FBXL17: variants seen among roughly 807,000 people sequenced by gnomAD.
The protein encoded by FBXL17 is F-box/LRR-repeat protein 17.
In FBXL17, 22 loss-of-function variants were observed where a neutral mutation model predicts 66.2. The ratio of observed to expected loss-of-function variants is 0.33; its 90% CI spans 0.24 to 0.47. The LOEUF (loss-of-function observed/expected upper bound fraction) is 0.47. FBXL17 is among the 20% of genes least tolerant of loss of function. FBXL17 has a pLI of 1.00. For synonymous variants in FBXL17, 474 were observed against 400.5 expected, an observed-to-expected ratio of 1.18 and a Z score of -2.19; for missense variants, 878 against 948.2, an observed-to-expected ratio of 0.93 and a Z score of 0.97.
chr5:108,207,410 A>G (rs933323648), intron 5 of FBXL17, among the ~76,000 whole-genome samples: 19 of 152,058 alleles, frequency 1.2e-4, no homozygotes, highest in African/African-American at 4.3e-4. Context: ...TACACATACC[A>G]TGGTGGTTTC....
chr5:108,275,564 C>T (rs1211779077), intron 4 of FBXL17, among the ~76,000 whole-genome samples: 2 of 152,108 alleles, frequency 1.3e-5, no homozygotes, highest in Admixed American at 6.5e-5. Context: ...TGATGGTGAA[C>T]AGGAACTAAT....
chr5:108,175,376 G>A (rs1395272199), intron 6 of FBXL17, among the ~76,000 whole-genome samples: 2 of 152,132 alleles, frequency 1.3e-5, no homozygotes, highest in African/African-American at 4.8e-5. Flanking sequence ...CAGCTAGACA[G>A]TAACATGATA....
intron 6 of FBXL17, among the ~76,000 whole-genome samples, chr5:108,094,121 G>C (rs1289987215): frequency 6.6e-6 from 1 of 152,072 alleles, no homozygotes; most frequent in Non-Finnish European, 1.5e-5. Flanking sequence ...ACTTTAAATG[G>C]TTACTTTACT....
chr5:108,099,189 C>T (rs960585665), intron 6 of FBXL17, among the ~76,000 whole-genome samples: 1 of 151,724 alleles, frequency 6.6e-6, no homozygotes, highest in African/African-American at 2.4e-5. Flanking sequence ...TTTTTAAAAA[C>T]CTGAACTTTA....
chr5:108,103,532 T>C (rs185766726), intron 6 of FBXL17, among the ~76,000 whole-genome samples: 2 of 152,208 alleles, frequency 1.3e-5, no homozygotes, highest in Non-Finnish European at 2.9e-5. Context: ...TAGGAAAAAA[T>C]GAAACAGTCT....
At chr5:108,374,388 G>C (rs1402430271) in intron 1 of FBXL17, among the ~76,000 whole-genome samples, 2 of 152,290 alleles carry the variant, frequency 1.3e-5, no homozygotes, top group Non-Finnish European at 2.9e-5. Flanking sequence ...ATCAGTAACA[G>C]AGGCCAGGAA....
intron 6 of FBXL17, among the ~76,000 whole-genome samples, chr5:108,064,216 T>C (rs996097441): frequency 2.0e-5 from 3 of 151,122 alleles, no homozygotes; most frequent in African/African-American, 2.4e-5. Context: ...CTTACTGTAC[T>C]TTTTATTCTA....
chr5:107,906,776 T>G (rs1192676839), intron 7 of FBXL17, among the ~76,000 whole-genome samples: 1 of 152,212 alleles, frequency 6.6e-6, no homozygotes, highest in Non-Finnish European at 1.5e-5. Context: ...CAAAGAGATT[T>G]AAAAGCAACT....
chr5:107,881,454 A>G (rs1748787679), intron 7 of FBXL17, among the ~76,000 whole-genome samples: 1 of 152,234 alleles, frequency 6.6e-6, no homozygotes, highest in Non-Finnish European at 1.5e-5. Flanking sequence ...ACTTTCAAAC[A>G]TTCAGCTCTG....
chr5:108,203,074 T>A (rs1047914093), intron 5 of FBXL17, among the ~76,000 whole-genome samples: 2 of 152,176 alleles, frequency 1.3e-5, no homozygotes, highest in African/African-American at 4.8e-5. Flanking sequence ...TTAAGTAAGT[T>A]TTATTTTCAT....
At chr5:108,274,357 G>C (rs544039832) in intron 4 of FBXL17, among the ~76,000 whole-genome samples, 2 of 152,324 alleles carry the variant, frequency 1.3e-5, no homozygotes, top group East Asian at 1.9e-4. Flanking sequence ...CTGAGAAAAA[G>C]AATTCAGTGA....
At chr5:108,251,567 A>C (rs776278121) in intron 4 of FBXL17, among the ~76,000 whole-genome samples, 10 of 152,008 alleles carry the variant, frequency 6.6e-5, no homozygotes, top group Non-Finnish European at 1.5e-4. Context: ...TTCAAAATTC[A>C]TAAGATTTCC....
At chr5:108,059,370 T>C (rs1034782570) in intron 6 of FBXL17, among the ~76,000 whole-genome samples, 3 of 152,268 alleles carry the variant, frequency 2.0e-5, no homozygotes, top group East Asian at 1.9e-4. Context: ...CATTAACATA[T>C]GAAGAAGCTA....
chr5:108,302,524 C>T (rs1253037359), intron 4 of FBXL17, among the ~76,000 whole-genome samples: 2 of 151,696 alleles, frequency 1.3e-5, no homozygotes, highest in Non-Finnish European at 3.0e-5. Context: ...GAGATACTTA[C>T]AAGACATAAT....
intron 6 of FBXL17, among the ~76,000 whole-genome samples, chr5:108,087,884 C>T (rs938711509): frequency 2.0e-5 from 3 of 152,156 alleles, no homozygotes; most frequent in African/African-American, 7.2e-5. Context: ...TGGAAACCTA[C>T]TTAAAATTGA....
At chr5:108,225,481 G>A (rs555952977) in intron 4 of FBXL17, among the ~76,000 whole-genome samples, 1 of 152,262 alleles carries the variant, frequency 6.6e-6, no homozygotes, top group East Asian at 1.9e-4. Context: ...GCGGAGCAGA[G>A]ATGCACACAC....
At chr5:107,940,422 A>G (rs1751053753) in intron 7 of FBXL17, among the ~76,000 whole-genome samples, 1 of 152,152 alleles carries the variant, frequency 6.6e-6, no homozygotes, top group East Asian at 1.9e-4. Flanking sequence ...CAAGGTGGTC[A>G]GCATGCAAGG....
rs371972809 is a variant in FBXL17 at position 108,364,718 on chromosome 5, T to G, written c.1374+20A>C. ...TTTAATTAATTCAAGTAAAATCACT[T>G]TATAAATGCTAAAATTTACCTGCTT... On this transcript the variant is annotated intron_variant, in intron 3 of 8. Coordinates refer to ENST00000542267, the MANE Select transcript of FBXL17 (RefSeq NM_001163315.3). The G allele has an allele frequency of 7.0e-5, 110 of 1,576,822 alleles. No individual in the cohort carries two copies. The highest frequency in any genetic ancestry group is 8.7e-5 in the Non-Finnish European group (101 of 1,158,214).
chr5:108,021,389 T>C (rs1754595830), intron 6 of FBXL17, among the ~76,000 whole-genome samples: 1 of 150,412 alleles, frequency 6.6e-6, no homozygotes, highest in Admixed American at 6.7e-5. Context: ...ATGCTCATGG[T>C]TCAATTATTA....
Sources: gnomAD v4.1 joint callset for allele counts (sites outside exome capture counted in the v4.1 genomes callset) on GRCh38, gnomAD v4.1.1 for gene constraint, MANE v1.5 for transcripts, NCBI Gene and HGNC (gene_info 2026-07-23, HGNC 2026-07-21) for gene names.